The following ME3 variants were observed in gnomAD, a reference collection of about 807,000 sequenced individuals.
ME3 encodes the protein malic enzyme 3, also known as NADP-dependent malic enzyme, mitochondrial.
Under a neutral mutation model 68.9 loss-of-function variants are expected in ME3, and 48 were observed. That is an observed-to-expected ratio of 0.70 (90% CI 0.55 to 0.89). The LOEUF (loss-of-function observed/expected upper bound fraction) is 0.89, where lower values mean the gene tolerates loss of function less well. Among genes scored for constraint, ME3 ranks in the 40% least tolerant of loss-of-function variants. ME3 has a pLI of 0.00. For synonymous variants in ME3, 320 were observed against 318.8 expected (o/e 1.00, Z -0.04); for missense variants, 675 against 797.4 (o/e 0.85, Z 1.85).
chr11:86,562,867 T>G (rs1163546603), intron 2 of ME3, among the ~76,000 whole-genome samples: 2 of 151,938 alleles, frequency 1.3e-5, no homozygotes, highest in African/African-American at 2.4e-5. Context: ...GTTCCCATGT[T>G]TAAGTCCATG....
intron 4 of ME3, among the ~76,000 whole-genome samples, chr11:86,534,132 G>A (rs1414015885): frequency 4.7e-5 from 7 of 149,292 alleles, no homozygotes; most frequent in African/African-American, 1.7e-4. Flanking sequence ...CACCTGTATA[G>A]GACACCTAAA....
At position 86,653,981 on chromosome 11, in the gene ME3, A is replaced by C. The variant is rs568953581; in HGVS notation, c.183+17781T>G. Among the ~76,000 whole-genome samples the C allele has an allele frequency of 5.6e-4, 85 of 152,370 alleles. 1 individual carries two copies. Among genetic ancestry groups the C allele is most frequent in the Middle Eastern group, 3.4e-3 (1 of 294 alleles). ...TACTATAAACACCTCTACACAAATA[A>C]ACTAGAAAATCTAGAAGAAATGGAT... is the stretch of plus-strand genomic sequence containing the variant. On this transcript the variant is annotated intron_variant, in intron 2 of 14. Transcript: ENST00000543262.
chr11:86,509,270 T>C (rs1048668711), intron 4 of ME3, among the ~76,000 whole-genome samples: 1 of 152,184 alleles, frequency 6.6e-6, no homozygotes, highest in African/African-American at 2.4e-5. Flanking sequence ...TCCCTAGGCC[T>C]GAGTCCGTGA....
intron 2 of ME3, among the ~76,000 whole-genome samples, chr11:86,598,686 C>T (rs569822844): frequency 6.6e-6 from 1 of 152,214 alleles, no homozygotes; most frequent in Non-Finnish European, 1.5e-5. Flanking sequence ...AGCAGCCTAA[C>T]TGGGAGGCAC....
At chr11:86,450,831 T>G (rs1468838668) in intron 8 of ME3, among the ~76,000 whole-genome samples, 2 of 152,230 alleles carry the variant, frequency 1.3e-5, no homozygotes, top group Non-Finnish European at 2.9e-5. Flanking sequence ...CCATCTTATC[T>G]ACCAAGTCAT....
chr11:86,529,014 A>T (rs937147297), intron 4 of ME3, among the ~76,000 whole-genome samples: 1 of 152,234 alleles, frequency 6.6e-6, no homozygotes, highest in African/African-American at 2.4e-5. Context: ...ATCAGAGCTG[A>T]ACTGAAGGAG....
At chr11:86,484,228 A>G (rs7943741) in intron 7 of ME3, among the ~76,000 whole-genome samples, 55,787 of 150,432 alleles carry the variant, frequency 0.37, 10,775 homozygotes, top group South Asian at 0.45. Context: ...GGATGTTTGG[A>G]CAGAGATGAG....
At chr11:86,633,436 C>T (rs1311186781) in intron 2 of ME3, among the ~76,000 whole-genome samples, 2 of 152,202 alleles carry the variant, frequency 1.3e-5, no homozygotes, top group Non-Finnish European at 2.9e-5. Flanking sequence ...AGAATCTGAA[C>T]CCAGGTAATG....
chr11:86,464,263 A>G (rs544011884), intron 8 of ME3: 64 of 335,422 alleles, frequency 1.9e-4, no homozygotes, highest in Non-Finnish European at 3.4e-4. Flanking sequence ...TTAAAGCATC[A>G]TCAAGGTTTC....
At position 86,465,220 on chromosome 11, in the gene ME3, G is replaced by T; in HGVS notation, c.810-20C>A. 6.4e-7 allele frequency: 1 copy of T among 1,550,874 alleles called. No homozygotes were observed. Among genetic ancestry groups the T allele is most frequent in the South Asian group, 1.1e-5 (1 of 89,912 alleles). On this transcript the variant is annotated intron_variant, in intron 7 of 14. Transcript: ENST00000543262. Reference sequence around the variant, plus strand: ...CCAAACCTGTGTGGAGGGAGAGGAAGAAACCCATGATTGCCTCTCTGAGGC... The same window carrying T: ...CCAAACCTGTGTGGAGGGAGAGGAATAAACCCATGATTGCCTCTCTGAGGC...
At chr11:86,634,562 A>G (rs1944214586) in intron 2 of ME3, among the ~76,000 whole-genome samples, 1 of 152,230 alleles carries the variant, frequency 6.6e-6, no homozygotes, top group South Asian at 2.1e-4. Flanking sequence ...AAAGAAAATT[A>G]TCCAAAAAAC....
At chr11:86,450,080 G>T in intron 9 of ME3, 78 bp from the exon 10 acceptor site, 1 of 1,246,620 alleles carries the variant, frequency 8.0e-7, no homozygotes, top group South Asian at 1.3e-5. Flanking sequence ...TTGCCATAAG[G>T]ACCCCCTTTT....
chr11:86,658,463 C>T (rs948661407), intron 2 of ME3, among the ~76,000 whole-genome samples: 1 of 151,886 alleles, frequency 6.6e-6, no homozygotes, highest in Non-Finnish European at 1.5e-5. Context: ...ATGTAACACA[C>T]CTGTAAGAGT....
At chr11:86,448,055 G>T (rs1392397601) in intron 11 of ME3, 95 bp downstream of exon 11, 3 of 811,300 alleles carry the variant, frequency 3.7e-6, no homozygotes, top group Non-Finnish European at 6.2e-6. Context: ...CTGTTTCCAT[G>T]GGTTACTTAG....
intron 4 of ME3, among the ~76,000 whole-genome samples, chr11:86,516,543 A>G (rs1408999904): frequency 1.3e-5 from 2 of 152,092 alleles, no homozygotes; most frequent in Non-Finnish European, 2.9e-5. Context: ...ATGTGCCACT[A>G]TGCCCAGCTA....
chr11:86,463,999 C>T (rs1950352685), intron 8 of ME3: 2 of 348,668 alleles, frequency 5.7e-6, no homozygotes, highest in Non-Finnish European at 1.1e-5. Context: ...AGAACAGTGC[C>T]CGACATACAA....
intron 2 of ME3, among the ~76,000 whole-genome samples, chr11:86,603,533 G>C (rs1961086399): frequency 6.6e-6 from 1 of 152,206 alleles, no homozygotes; most frequent in Non-Finnish European, 1.5e-5. Context: ...GGAAGACAGT[G>C]TGGCGATTCC....
At chr11:86,496,088 T>C (rs1952311390) in intron 6 of ME3, among the ~76,000 whole-genome samples, 1 of 152,202 alleles carries the variant, frequency 6.6e-6, no homozygotes, top group Admixed American at 6.5e-5. Flanking sequence ...TACTAGGATC[T>C]AAAGTGCTTG....
intron 4 of ME3, among the ~76,000 whole-genome samples, chr11:86,554,975 G>A (rs1956858182): frequency 6.6e-6 from 1 of 152,236 alleles, no homozygotes; most frequent in Non-Finnish European, 1.5e-5. Context: ...CAAGAAAGGG[G>A]TGGTCAGTTC....
Sources: allele counts gnomAD v4.1 joint callset (sites outside exome capture counted in the v4.1 genomes callset), GRCh38; gene constraint gnomAD v4.1.1; transcripts MANE v1.5; gene names NCBI Gene and HGNC (gene_info 2026-07-23, HGNC 2026-07-21).